The following DZIP1L variants were observed in gnomAD, a reference collection of about 807,000 sequenced individuals.
DZIP1L encodes the protein DAZ interacting zinc finger protein 1 like, also known as cilium assembly protein DZIP1L.
DZIP1L carries 90 observed loss-of-function variants against 88.7 expected under a neutral mutation model. The ratio of observed to expected loss-of-function variants is 1.02; its 90% CI spans 0.86 to 1.21. The LOEUF is 1.21. DZIP1L is among the 50% of genes most tolerant of loss of function. The probability of loss-of-function intolerance (pLI) is 0.00; values close to 1 mark genes in which losing one functional copy is unlikely to be tolerated. For missense variants in DZIP1L, 932 were observed against 955.8 expected (o/e 0.98, Z 0.33); for synonymous variants, 363 against 372.1 (o/e 0.98, Z 0.28).
rs1173892410 is a variant in DZIP1L at position 138,068,266 on chromosome 3, T to C, written c.1717A>G (p.Thr573Ala). The C allele has an allele frequency of 6.3e-7, 1 of 1,594,988 alleles. No homozygotes were observed. The highest frequency in any genetic ancestry group is 8.5e-7 in the Non-Finnish European group (1 of 1,170,478). Residue 573 changes from threonine to alanine, a missense_variant, in exon 13 of 16, where the codon ACT becomes GCT. Transcript: ENST00000327532. The part of the protein sequence containing the change: ...PSTPAEPPPP[T>A]RQSHGSHGSS... ...CCATGGCTGCCATGGCTCTGACGAG[T>C]TGGTGGGGGTGGCTCTGCCGGTGTG...
intron 3 of DZIP1L, among the ~76,000 whole-genome samples, chr3:138,095,623 A>C (rs1315748440): frequency 6.6e-6 from 1 of 152,114 alleles, no homozygotes. Flanking sequence ...TACTAAAAAT[A>C]CAAAAAAAAT....
At chr3:138,093,122 T>C (rs986726540) in intron 4 of DZIP1L, among the ~76,000 whole-genome samples, 3 of 152,238 alleles carry the variant, frequency 2.0e-5, no homozygotes, top group African/African-American at 7.2e-5. Flanking sequence ...TTACAAAATG[T>C]ATTTCTTAAA....
rs371624642 is a variant in DZIP1L, at chr3:138,080,234, T to G, written c.1288+333A>C. ...GCGAGTTATCTTCCACTGTTCTGCA[T>G]AGTCGCAGGTGAGAGTCAGTAGGGC... On this transcript the variant is annotated intron_variant, in intron 10 of 15. Coordinates refer to ENST00000327532, the MANE Select transcript of DZIP1L (RefSeq NM_173543.3). The G allele has an allele frequency of 1.3e-5, 3 of 227,344 alleles. No homozygotes were observed. In the East Asian group the frequency reaches 3.0e-4, roughly 23 times the overall value. 14.1% of individuals were successfully genotyped at this position (227,344 alleles called of 1,614,324 possible).
intron 10 of DZIP1L, 105 bp from the exon 11 acceptor site, chr3:138,077,737 G>A (rs897014308): frequency 1.0e-5 from 15 of 1,495,310 alleles, no homozygotes; most frequent in Middle Eastern, 2.1e-4. Context: ...AATCCTGGTC[G>A]GTTAACTCAG....
chr3:138,093,340 T>C (rs1429079390), intron 4 of DZIP1L, among the ~76,000 whole-genome samples: 2 of 152,218 alleles, frequency 1.3e-5, no homozygotes, highest in East Asian at 3.9e-4. Flanking sequence ...AAATATTCAG[T>C]AAACCATAGC....
At chr3:138,068,860 A>G in intron 12 of DZIP1L, 1 of 1,195,460 alleles carries the variant, frequency 8.4e-7, no homozygotes, top group Non-Finnish European at 1.0e-6. Flanking sequence ...GCAATTGGAC[A>G]CAGCCCCTCT....
At chr3:138,101,103 A>G (rs1311298231) in intron 2 of DZIP1L, among the ~76,000 whole-genome samples, 6 of 151,824 alleles carry the variant, frequency 4.0e-5, no homozygotes, top group Non-Finnish European at 7.4e-5. Context: ...CTATAAATAC[A>G]CCCTTAGACA....
intron 7 of DZIP1L, among the ~76,000 whole-genome samples, chr3:138,085,670 T>C (rs909363947): frequency 3.3e-5 from 5 of 152,206 alleles, no homozygotes; most frequent in South Asian, 2.1e-4. Context: ...GAATGTAAAC[T>C]AGTTCAACCA....
intron 3 of DZIP1L, among the ~76,000 whole-genome samples, chr3:138,095,576 C>T (rs544064917): frequency 6.6e-6 from 1 of 152,094 alleles, no homozygotes; most frequent in Admixed American, 6.5e-5. Context: ...GTCAGGAGTT[C>T]GAGACCAACC....
In DZIP1L at chr3:138,092,453, A is replaced by G; in HGVS notation, c.800T>C (p.Ile267Thr). Residue 267 changes from isoleucine to threonine, a missense_variant, in exon 5 of 16, where the codon ATA becomes ACA. By Grantham distance (89) the Ile-to-Thr change is moderately conservative (BLOSUM62 -1). Transcript: ENST00000327532. ...EQEWTKLYGE[I>T]DKLKKLFWDE... Reference sequence around the variant, plus strand: ...CCAAAATAATTTTTTTAGTTTATCTATTTCCCCATAAAGTTTGGTCCACTC... The same window carrying G: ...CCAAAATAATTTTTTTAGTTTATCTGTTTCCCCATAAAGTTTGGTCCACTC... 6.2e-7 allele frequency: 1 copy of G among 1,607,482 alleles called. No individual in the cohort carries two copies. The highest frequency in any genetic ancestry group is 1.7e-4 in the Middle Eastern group (1 of 6,046).
intron 11 of DZIP1L, among the ~76,000 whole-genome samples, chr3:138,074,716 T>C (rs1289371480): frequency 7.0e-6 from 1 of 142,342 alleles, no homozygotes; most frequent in East Asian, 2.0e-4. Context: ...ATAGGACCTA[T>C]ACAACAATAA....
chr3:138,081,787 G>A (rs559971357), intron 8 of DZIP1L, 23 bp from the exon 9 acceptor site: 17 of 1,612,208 alleles, frequency 1.1e-5, no homozygotes, highest in Admixed American at 6.7e-5. Flanking sequence ...GGAATAGAGC[G>A]GGTTACAACC....
intron 1 of DZIP1L, among the ~76,000 whole-genome samples, chr3:138,106,980 C>A (rs1471625169): frequency 6.6e-6 from 1 of 152,202 alleles, no homozygotes; most frequent in Non-Finnish European, 1.5e-5. Context: ...GCCCTGCCTA[C>A]CTCACAGGGT....
At chr3:138,064,020 T>C (rs967281525) in intron 15 of DZIP1L, among the ~76,000 whole-genome samples, 2 of 152,162 alleles carry the variant, frequency 1.3e-5, no homozygotes, top group Non-Finnish European at 2.9e-5. Flanking sequence ...TGTTCCCTGA[T>C]GGAGGAGAGA....
chr3:138,113,805 C>A (rs780871202), intron 1 of DZIP1L, among the ~76,000 whole-genome samples: 4 of 152,160 alleles, frequency 2.6e-5, no homozygotes, highest in African/African-American at 7.2e-5. Context: ...CCGGGCACAG[C>A]GCTCTCCTTA....
chr3:138,109,289 GC>G (rs1302145485), intron 1 of DZIP1L, among the ~76,000 whole-genome samples: 2 of 152,126 alleles, frequency 1.3e-5, no homozygotes, highest in East Asian at 3.8e-4. Flanking sequence ...CTCAGGACAA[GC>G]CCTTGAGGAG....
intron 1 of DZIP1L, among the ~76,000 whole-genome samples, chr3:138,107,242 A>C (rs2042520492): frequency 6.6e-6 from 1 of 152,236 alleles, no homozygotes; most frequent in Admixed American, 6.5e-5. Context: ...GAGGTGATTA[A>C]GTCACGAAGA....
chr3:138,088,988 G>T, intron 5 of DZIP1L: 1 of 985,496 alleles, frequency 1.0e-6, no homozygotes, highest in South Asian at 4.7e-5. Context: ...AGTGATTCCT[G>T]GGCTAGCAGT....
chr3:138,068,891 A>C, intron 12 of DZIP1L: 1 of 1,237,880 alleles, frequency 8.1e-7, no homozygotes, highest in Non-Finnish European at 1.0e-6. Context: ...TTGCATCAAG[A>C]CCTATAGCCA....
Sources: allele counts gnomAD v4.1 joint callset (sites outside exome capture counted in the v4.1 genomes callset), GRCh38; gene constraint gnomAD v4.1.1; transcripts MANE v1.5; gene names NCBI Gene and HGNC (gene_info 2026-07-23, HGNC 2026-07-21).